DENND4C: variants seen among roughly 807,000 people sequenced by gnomAD.
DENND4C encodes the protein DENN domain-containing protein 4C.
In DENND4C, 108 loss-of-function variants were observed where a neutral mutation model predicts 203.0. The observed-to-expected ratio is 0.53, with a 90% confidence interval of 0.46 to 0.62. The LOEUF (loss-of-function observed/expected upper bound fraction) is 0.62. DENND4C is among the 20% of genes least tolerant of loss of function. The probability of loss-of-function intolerance (pLI) is 0.00; values close to 1 mark genes in which losing one functional copy is unlikely to be tolerated. For synonymous variants in DENND4C, 871 were observed against 792.4 expected (o/e 1.10, Z -1.67); for missense variants, 2,481 against 2,301.2 (o/e 1.08, Z -1.60).
Position 19,276,464 on chromosome 9 carries a change from C to T in DENND4C, c.290C>T (p.Pro97Leu), listed in dbSNP as rs552544711. The part of the protein sequence containing the change: ...LCYKRGRDKP[P>L]LTDIGVLYEG... ...TATAAGAGAGGGAGAGATAAACCAC[C>T]GCTTACAGATATTGGGTATGGTGAC... The change falls in exon 2 of 33, where the codon CCG becomes CTG. Residue 97 changes from proline to leucine, a missense_variant. Physicochemically the swap from Pro to Leu is moderately conservative, Grantham distance 98. This residue lies in a region of DENND4C where 187 missense variants were observed against 167.4 expected (regional missense o/e 1.12). Transcript: ENST00000434457. 1.1e-5 allele frequency: 14 copies of T among 1,231,944 alleles called. No homozygotes were observed. The highest frequency in any genetic ancestry group is 3.2e-5 in the East Asian group (1 of 31,694). The allele number at this position is 1,231,944 out of a possible 1,614,324, so 76.3% of individuals were successfully genotyped here.
intron 12 of DENND4C, among the ~76,000 whole-genome samples, chr9:19,321,424 T>C (rs1338250895): frequency 6.6e-6 from 1 of 152,122 alleles, no homozygotes; most frequent in East Asian, 1.9e-4. Context: ...CCATGCCCTT[T>C]ATAAGAAGTA....
chr9:19,316,078 A>T (rs528958195), intron 10 of DENND4C, among the ~76,000 whole-genome samples: 1 of 152,206 alleles, frequency 6.6e-6, no homozygotes, highest in South Asian at 2.1e-4. Context: ...TTTGAAGCCT[A>T]CCAGTAGGTA....
At chr9:19,311,941 A>T (rs1386905613) in intron 10 of DENND4C, among the ~76,000 whole-genome samples, 1 of 152,172 alleles carries the variant, frequency 6.6e-6, no homozygotes, top group African/African-American at 2.4e-5. Context: ...ATTGATCCTA[A>T]CATTTTATTT....
intron 13 of DENND4C, among the ~76,000 whole-genome samples, chr9:19,324,818 G>A (rs1265365834): frequency 6.6e-6 from 1 of 152,128 alleles, no homozygotes; most frequent in Non-Finnish European, 1.5e-5. Context: ...CTTCTTGCCT[G>A]AAGTGATTTT....
At chr9:19,289,571 G>A (rs1470194531) in intron 4 of DENND4C, among the ~76,000 whole-genome samples, 1 of 152,182 alleles carries the variant, frequency 6.6e-6, no homozygotes, top group East Asian at 1.9e-4. Context: ...GCTCACGCCT[G>A]TAATTCCAGC....
At chr9:19,307,192 G>GTT (rs1839854292) in intron 10 of DENND4C, among the ~76,000 whole-genome samples, 1 of 151,986 alleles carries the variant, frequency 6.6e-6, no homozygotes, top group African/African-American at 2.4e-5. Context: ...GAGCCCAGGA[G>GTT]TTTAAGGCCA....
intron 20 of DENND4C, chr9:19,337,794 C>A: frequency 4.5e-6 from 2 of 440,142 alleles, no homozygotes; most frequent in Non-Finnish European, 7.9e-6. Context: ...TTTTCTCCTT[C>A]AGATAAATGT....
In DENND4C at chr9:19,315,150, C is replaced by T. The variant is rs768736279; in HGVS notation, c.1488-1267C>T. ...ACTCCAGCCTGGACGACAGAGACTC[C>T]GTCTCAAAAAAAAAAAAAAAAAGAA... On this transcript the variant is annotated intron_variant, in intron 10 of 32. Transcript: ENST00000434457. Among the ~76,000 whole-genome samples, 577 of 93,848 alleles carry T rather than the reference C, an allele frequency of 6.1e-3. 2 individuals carry two copies. The highest frequency in any genetic ancestry group is 9.8e-3 in the Non-Finnish European group (480 of 48,760). 61.6% of individuals were successfully genotyped at this position (93,848 alleles called of 152,430 possible).
intron 1 of DENND4C, among the ~76,000 whole-genome samples, chr9:19,271,837 C>G (rs942768061): frequency 2.0e-5 from 3 of 149,638 alleles, no homozygotes. Flanking sequence ...CCATTGCACT[C>G]CAGCCTGGGC....
At chr9:19,340,004 A>T (rs1464063877) in intron 20 of DENND4C, among the ~76,000 whole-genome samples, 1 of 152,060 alleles carries the variant, frequency 6.6e-6, no homozygotes, top group East Asian at 1.9e-4. Flanking sequence ...TGTCCTTTAG[A>T]TATTCTCCTA....
intron 18 of DENND4C, among the ~76,000 whole-genome samples, chr9:19,335,495 T>G (rs1563815359): frequency 1.3e-5 from 2 of 152,130 alleles, no homozygotes; most frequent in Non-Finnish European, 2.9e-5. Flanking sequence ...ACCAACATCT[T>G]CCAGTGTCCC....
At chr9:19,260,756 G>C (rs1306091943) in intron 1 of DENND4C, among the ~76,000 whole-genome samples, 1 of 152,166 alleles carries the variant, frequency 6.6e-6, no homozygotes, top group African/African-American at 2.4e-5. Context: ...TCTCCCATCT[G>C]TAGGTTGTCT....
At chr9:19,295,862 A>G in intron 5 of DENND4C, 146 bp from the exon 6 acceptor site, 1 of 603,010 alleles carries the variant, frequency 1.7e-6, no homozygotes, top group Non-Finnish European at 2.8e-6. Context: ...TATCTCTGGG[A>G]CAGAAATTTG....
chr9:19,261,689 TAG>T (rs1166683423), intron 1 of DENND4C, among the ~76,000 whole-genome samples: 1 of 151,580 alleles, frequency 6.6e-6, no homozygotes, highest in Admixed American at 6.6e-5. Context: ...TTTTTACTCT[TAG>T]AGACAACTTC....
At position 19,346,807 on chromosome 9, in the gene DENND4C, A is replaced by C; in HGVS notation, c.4038A>C (p.Ser1346=). ...AQENPESEKS[S]PAVSRSKTFT... ...AAAATCCTGAAAGTGAAAAGAGCTC[A>C]CCTGCAGTGTCCAGGTCTAAAACTT... is the stretch of plus-strand genomic sequence containing the variant. The change falls in exon 23 of 33, where the codon TCA becomes TCC. Residue 1346 remains serine, a synonymous_variant. Coordinates refer to ENST00000434457, the MANE Select transcript of DENND4C (RefSeq NM_001330640.2). 1 of 1,614,190 alleles carries C rather than the reference A, an allele frequency of 6.2e-7. No homozygotes were observed. The highest frequency in any genetic ancestry group is 8.5e-7 in the Non-Finnish European group (1 of 1,180,032).
intron 12 of DENND4C, among the ~76,000 whole-genome samples, chr9:19,321,831 CAAAAAA>C (rs35648828): frequency 1.2e-5 from 1 of 86,868 alleles, no homozygotes. Flanking sequence ...GACTCCATCT[CAAAAAA>C]AAAAAAAAAA....
At chr9:19,290,236 A>G (rs1022754906) in intron 4 of DENND4C, among the ~76,000 whole-genome samples, 1 of 152,088 alleles carries the variant, frequency 6.6e-6, no homozygotes, top group Non-Finnish European at 1.5e-5. Context: ...TTTACTTTTC[A>G]TGTTGCATGC....
chr9:19,361,454 T>C (rs148576088), intron 29 of DENND4C, among the ~76,000 whole-genome samples: 62 of 152,268 alleles, frequency 4.1e-4, no homozygotes, highest in Admixed American at 1.4e-3. Context: ...ACTCAGGCCC[T>C]AAACATATAC....
chr9:19,364,311 C>T (rs1373812762), intron 30 of DENND4C, among the ~76,000 whole-genome samples: 1 of 152,128 alleles, frequency 6.6e-6, no homozygotes, highest in Non-Finnish European at 1.5e-5. Flanking sequence ...GGAACACTTT[C>T]ATATACTTTT....
Sources: allele counts gnomAD v4.1 joint callset (sites outside exome capture counted in the v4.1 genomes callset), GRCh38; gene constraint gnomAD v4.1.1; regional missense constraint gnomAD v4.1.1; transcripts MANE v1.5; gene names NCBI Gene and HGNC (gene_info 2026-07-23, HGNC 2026-07-21).